Variants in C2CD3 observed in about 807,000 individuals in gnomAD.
The protein encoded by C2CD3 is C2 domain containing 3 centriole elongation regulator, also known as C2 domain-containing protein 3.
In C2CD3, 148 loss-of-function variants were observed where a neutral mutation model predicts 234.0. That is an observed-to-expected ratio of 0.63 (90% CI 0.55 to 0.72). C2CD3 has a LOEUF of 0.72. C2CD3 is among the 30% of genes least tolerant of loss of function. The pLI is 0.00. For synonymous variants in C2CD3, 1,000 were observed against 1,035.4 expected (o/e 0.97, Z 0.66); for missense variants, 2,577 against 2,811.5 (o/e 0.92, Z 1.89).
chr11:74,162,066 T>C (rs887238184), intron 2 of C2CD3, among the ~76,000 whole-genome samples: 109 of 152,250 alleles, frequency 7.2e-4, no homozygotes, highest in African/African-American at 2.5e-3. Context: ...TCCCCTGATC[T>C]TGGCCTCCCA....
At chr11:74,052,219 A>C (rs1323491431) in intron 26 of C2CD3, among the ~76,000 whole-genome samples, 1 of 152,108 alleles carries the variant, frequency 6.6e-6, no homozygotes, top group Non-Finnish European at 1.5e-5. Flanking sequence ...GAAGGTAGGG[A>C]ATGTATTTTA....
At chr11:74,152,823 A>T (rs1855750192) in intron 3 of C2CD3, among the ~76,000 whole-genome samples, 1 of 152,230 alleles carries the variant, frequency 6.6e-6, no homozygotes, top group East Asian at 1.9e-4. Context: ...GATAAAGTTC[A>T]ATACCCATGA....
At chr11:74,104,358 C>CAATG (rs1243395045) in intron 13 of C2CD3, among the ~76,000 whole-genome samples, 3 of 152,122 alleles carry the variant, frequency 2.0e-5, no homozygotes, top group Non-Finnish European at 4.4e-5. Flanking sequence ...GATATAGTAT[C>CAATG]AATGCTATGC....
At chr11:74,044,490 T>C (rs557564714) in intron 28 of C2CD3, among the ~76,000 whole-genome samples, 4 of 152,258 alleles carry the variant, frequency 2.6e-5, no homozygotes, top group Admixed American at 2.6e-4. Flanking sequence ...AAATATTTTC[T>C]CCCATTCTAT....
chr11:74,149,085 A>ACAGG (rs1855421704), intron 3 of C2CD3, among the ~76,000 whole-genome samples: 3 of 152,182 alleles, frequency 2.0e-5, no homozygotes, highest in Non-Finnish European at 4.4e-5. Flanking sequence ...AGCTCCAAAT[A>ACAGG]ACATGATTAT....
chr11:74,103,289 G>C lies in C2CD3; in HGVS notation c.2422C>G (p.Leu808Val), dbSNP rs1956384084. 1 of 1,614,156 alleles carries C rather than the reference G, an allele frequency of 6.2e-7. No homozygotes were observed. Residue 808 changes from leucine to valine, a missense_variant, in exon 14 of 33, where the codon CTG becomes GTG. Leu to Val is a conservative substitution (Grantham distance 32). Transcript: ENST00000334126. ...TCTTTCCCATCTGGCACCATCAACA[G>C]CACATGCAACAGCAAAGCACTCTCT... is the stretch of plus-strand genomic sequence containing the variant. Reference protein sequence around the residue: ...TKESALLLHVLLMVPDGKDFI... With the variant: ...TKESALLLHVVLMVPDGKDFI...
Position 74,139,687 on chromosome 11 carries a change from GA to G in C2CD3, c.624del (p.Pro209HisfsTer17). On this transcript the variant is annotated frameshift_variant, in exon 4 of 33. Coordinates refer to ENST00000334126, the MANE Select transcript of C2CD3 (RefSeq NM_001286577.2). LOFTEE classifies it high-confidence loss of function. The part of the protein sequence containing the change: ...NTEPSSTQFQ[V>X]PSRPRDIHTI... ...GTATGTATGTCGCGAGGCCTTGATG[GA>G]ACCTGAAACTGGGTACTGCTGGGTT... is the stretch of plus-strand genomic sequence containing the variant. 5 of 1,613,936 alleles carry G rather than the reference GA, an allele frequency of 3.1e-6. No individual in the cohort carries two copies. Among genetic ancestry groups the G allele is most frequent in the Non-Finnish European group, 4.2e-6 (5 of 1,179,870 alleles).
intron 2 of C2CD3, among the ~76,000 whole-genome samples, chr11:74,163,612 T>C (rs1856616517): frequency 6.6e-6 from 1 of 152,206 alleles, no homozygotes; most frequent in African/African-American, 2.4e-5. Context: ...TTCTCTCTCC[T>C]GCTGCCATGT....
intron 12 of C2CD3, 150 bp from the exon 13 acceptor site, chr11:74,106,643 G>T (rs1376418371): frequency 1.4e-6 from 1 of 690,420 alleles, no homozygotes; most frequent in Non-Finnish European, 2.3e-6. Flanking sequence ...ATCCCACTTT[G>T]TCATATTTTG....
intron 3 of C2CD3, among the ~76,000 whole-genome samples, chr11:74,148,533 A>G (rs1234730085): frequency 2.0e-5 from 3 of 152,102 alleles, no homozygotes; most frequent in South Asian, 2.1e-4. Context: ...ATACTTTTCA[A>G]AAGTCTGAAT....
intron 24 of C2CD3, among the ~76,000 whole-genome samples, chr11:74,072,872 C>G (rs1954864160): frequency 6.6e-6 from 1 of 152,002 alleles, no homozygotes; most frequent in African/African-American, 2.4e-5. Flanking sequence ...AAAAGAAAAC[C>G]ATGGAAACAA....
intron 24 of C2CD3, among the ~76,000 whole-genome samples, chr11:74,063,609 G>A (rs1954359722): frequency 6.6e-6 from 1 of 152,124 alleles, no homozygotes; most frequent in African/African-American, 2.4e-5. Context: ...CAATAAACTA[G>A]GTATTGATGG....
At chr11:74,043,467 A>G (rs1238990116) in intron 28 of C2CD3, among the ~76,000 whole-genome samples, 1 of 152,152 alleles carries the variant, frequency 6.6e-6, no homozygotes, top group African/African-American at 2.4e-5. Context: ...TTTTGTGTGG[A>G]CATTTGTTTT....
At chr11:74,013,764 C>T (rs1263195530) in intron 32 of C2CD3, among the ~76,000 whole-genome samples, 1 of 152,172 alleles carries the variant, frequency 6.6e-6, no homozygotes, top group Non-Finnish European at 1.5e-5. Context: ...CTCAAGGTCC[C>T]ACAGCTCTGA....
In C2CD3 at chr11:74,138,706, A is replaced by G. The variant is rs1957948561; in HGVS notation, c.955+14T>C. ...CGTAGTTTAGTCTGACTCAGTTCACAAATACATACATACCTGAAAGAAGAT... is the reference window on the plus strand; with the variant it reads ...CGTAGTTTAGTCTGACTCAGTTCACGAATACATACATACCTGAAAGAAGAT... On this transcript the variant is annotated intron_variant, in intron 5 of 32. Transcript: ENST00000334126. The G allele has an allele frequency of 6.2e-7, 1 of 1,608,620 alleles. No individual in the cohort carries two copies. The highest frequency in any genetic ancestry group is 1.3e-5 in the African/African-American group (1 of 74,810).
intron 29 of C2CD3, among the ~76,000 whole-genome samples, chr11:74,039,351 T>C (rs1171222028): frequency 1.3e-5 from 2 of 152,218 alleles, no homozygotes; most frequent in African/African-American, 4.8e-5. Flanking sequence ...AAGGGCTCTC[T>C]GAATCCAAGG....
intron 11 of C2CD3, chr11:74,113,398 G>A: frequency 4.5e-6 from 1 of 222,228 alleles, no homozygotes; most frequent in Non-Finnish European, 9.1e-6. Flanking sequence ...GAAAATATTG[G>A]CTGGGCGTGA....
intron 32 of C2CD3, among the ~76,000 whole-genome samples, chr11:74,014,642 G>A (rs575680323): frequency 3.9e-5 from 6 of 152,310 alleles, no homozygotes; most frequent in African/African-American, 1.4e-4. Flanking sequence ...TGAGAGGGGC[G>A]CAGAAATAAA....
chr11:74,130,142 G>A (rs951490219), intron 7 of C2CD3, among the ~76,000 whole-genome samples: 3 of 141,628 alleles, frequency 2.1e-5, no homozygotes, highest in Admixed American at 2.1e-4. Flanking sequence ...AGAGGGAGAG[G>A]GAGAGGGGAG....
Sources: gnomAD v4.1 joint callset for allele counts (sites outside exome capture counted in the v4.1 genomes callset) on GRCh38, gnomAD v4.1.1 for gene constraint, MANE v1.5 for transcripts, NCBI Gene and HGNC (gene_info 2026-07-23, HGNC 2026-07-21) for gene names.